Variants in PRR12 observed in about 807,000 individuals in gnomAD.
PRR12 encodes proline-rich protein 12.
In PRR12, 12 loss-of-function variants were observed where a neutral mutation model predicts 138.0. That is an observed-to-expected ratio of 0.09 (90% CI 0.06 to 0.14). The LOEUF is 0.14. Among genes scored for constraint, PRR12 ranks in the 10% least tolerant of loss-of-function variants. The pLI, the probability that PRR12 is intolerant of heterozygous loss-of-function variation, is 1.00. For synonymous variants in PRR12, 1,567 were observed against 1,291.7 expected (o/e 1.21, Z -4.57); for missense variants, 2,692 against 2,861.3 (o/e 0.94, Z 1.35).
Position 49,625,333 on chromosome 19 carries a change from G to T in PRR12, c.5965-128G>T. The T allele has an allele frequency of 6.9e-7, 1 of 1,441,402 alleles. No homozygotes were observed. Among genetic ancestry groups the T allele is most frequent in the Admixed American group, 2.0e-5 (1 of 49,388 alleles). The allele number at this position is 1,441,402 out of a possible 1,614,324, so 89.3% of individuals were successfully genotyped here. On this transcript the variant is annotated intron_variant, in intron 13 of 13. Coordinates refer to ENST00000418929, the MANE Select transcript of PRR12 (RefSeq NM_020719.3). The surrounding 1 kb of genome is among the most constrained non-coding windows in gnomAD (Gnocchi z 5.5). ...TCAGGTCCTTCTGTCTTGGACTTAA[G>T]AATGCAGCCCCCAGCCCTGGTCTCC... is the stretch of plus-strand genomic sequence containing the variant.
chr19:49,607,203 T>C (rs2080843041), intron 6 of PRR12, among the ~76,000 whole-genome samples: 1 of 152,060 alleles, frequency 6.6e-6, no homozygotes, highest in South Asian at 2.1e-4. Context: ...GAAAGTATTA[T>C]TTCGGCTACA....
chr19:49,601,335 G>A (rs918068116), intron 5 of PRR12, among the ~76,000 whole-genome samples, 156 bp from the exon 6 acceptor site: 1 of 152,110 alleles, frequency 6.6e-6, no homozygotes, highest in Non-Finnish European at 1.5e-5. Flanking sequence ...GCCAGAGTAG[G>A]TCTCTGGAGA....
intron 6 of PRR12, among the ~76,000 whole-genome samples, chr19:49,608,983 G>T (rs2080852277): frequency 6.6e-6 from 1 of 152,116 alleles, no homozygotes. Context: ...GTTGTCATAA[G>T]GGCTGGGCAG....
Position 49,601,449 on chromosome 19 carries a change from ATGATGAATAACATCCAGGCC to A in PRR12, c.4346-36_4346-17del, listed in dbSNP as rs770729776. The A allele has an allele frequency of 1.6e-5, 18 of 1,133,636 alleles. No individual in the cohort carries two copies. In the African/African-American group the frequency reaches 2.3e-4, roughly 15 times the overall value. 70.2% of individuals were successfully genotyped at this position (1,133,636 alleles called of 1,614,324 possible). A position where few individuals can be genotyped will look rare whatever the true frequency, so the allele number is the denominator to read the frequency against. ...AAGGACAAGAGGAAAGGTGCCAGGA[ATGATGAATAACATCCAGGCC>A]TGATGTCCCTGTCTCCCCCAGAGCC... On this transcript the variant is annotated intron_variant, in intron 5 of 13. Transcript: ENST00000418929.
chr19:49,591,830 G>T, intron 1 of PRR12, 90 bp downstream of exon 1: 1 of 729,584 alleles, frequency 1.4e-6, no homozygotes, highest in Non-Finnish European at 2.0e-6. Flanking sequence ...GCCCGGCGAC[G>T]CGTGCATCGC....
chr19:49,606,872 C>T (rs531316961), intron 6 of PRR12, among the ~76,000 whole-genome samples: 51 of 152,136 alleles, frequency 3.4e-4, no homozygotes, highest in African/African-American at 1.1e-3. Context: ...GTAGAAACCA[C>T]TCTTAAAGCC....
intron 6 of PRR12, among the ~76,000 whole-genome samples, chr19:49,609,556 A>G (rs9749574): frequency 0.018 from 2,714 of 150,632 alleles, 87 homozygotes; most frequent in African/African-American, 0.062. Context: ...AGCCGAGATC[A>G]TGCTGCTGCA....
chr19:49,614,683 C>T lies in PRR12; in HGVS notation c.4890+34C>T. The T allele has an allele frequency of 1.3e-6, 2 of 1,531,990 alleles. No individual in the cohort carries two copies. Among genetic ancestry groups the T allele is most frequent in the Non-Finnish European group, 8.8e-7 (1 of 1,131,428 alleles). The allele number at this position is 1,531,990 out of a possible 1,614,324, so 94.9% of individuals were successfully genotyped here. A position where few individuals can be genotyped will look rare whatever the true frequency, so the allele number is the denominator to read the frequency against. On this transcript the variant is annotated intron_variant, in intron 7 of 13. Transcript: ENST00000418929. This position sits in a 1 kb window ranked among gnomAD's most constrained non-coding sequence, Gnocchi z 5.0. ...GCAAAGGGGACCAAGGACTTGGGGG[C>T]CCCGGGGCGTGGTATCTAGGAGCTG...
intron 11 of PRR12, among the ~76,000 whole-genome samples, chr19:49,623,151 T>C (rs902871116): frequency 6.6e-6 from 1 of 151,624 alleles, no homozygotes; most frequent in African/African-American, 2.4e-5. Flanking sequence ...GGTTGGAAAA[T>C]TCTGGGTAGC....
At position 49,614,240 on chromosome 19, in the gene PRR12, TGAGTC is replaced by T. The variant is rs2080880446; in HGVS notation, c.4774-292_4774-288del. Among the ~76,000 whole-genome samples, 2 of 152,222 alleles carry T rather than the reference TGAGTC, an allele frequency of 1.3e-5. No individual in the cohort carries two copies. Among genetic ancestry groups the T allele is most frequent in the Admixed American group, 1.3e-4 (2 of 15,272 alleles). On this transcript the variant is annotated intron_variant, in intron 6 of 13. Transcript: ENST00000418929. This position sits in a 1 kb window ranked among gnomAD's most constrained non-coding sequence, Gnocchi z 5.0. ...CGGTGTTCAAAGATTGTCATTACTC[TGAGTC>T]ACACAGGAAGTTTTGGGCTTTCACC...
intron 6 of PRR12, among the ~76,000 whole-genome samples, chr19:49,612,192 T>G (rs1465551124): frequency 2.1e-5 from 3 of 141,424 alleles, no homozygotes; most frequent in Non-Finnish European, 4.5e-5. Flanking sequence ...ATTGCGCCAC[T>G]GCACTCCAGC....
intron 6 of PRR12, among the ~76,000 whole-genome samples, chr19:49,610,525 C>A (rs974995306): frequency 6.6e-6 from 1 of 150,498 alleles, no homozygotes; most frequent in African/African-American, 2.5e-5. Flanking sequence ...GTTGGGCATG[C>A]CATGGTAAAA....
Position 49,595,450 on chromosome 19 carries a change from G to T in PRR12, c.1115G>T (p.Gly372Val). The T allele has an allele frequency of 6.5e-7, 1 of 1,548,570 alleles. No homozygotes were observed. The highest frequency in any genetic ancestry group is 1.4e-5 in the African/African-American group (1 of 73,144). ...ATGPEAAGGGGAGGGGGGYRP... is the reference protein window; with the variant it reads ...ATGPEAAGGGVAGGGGGGYRP... ...GGCCCTGAGGCAGCAGGGGGCGGTGGGGCTGGGGGTGGTGGTGGAGGTTAC... is the reference window on the plus strand; with the variant it reads ...GGCCCTGAGGCAGCAGGGGGCGGTGTGGCTGGGGGTGGTGGTGGAGGTTAC... The change falls in exon 4 of 14, where the codon GGG becomes GTG. Residue 372 changes from glycine (G) to valine (V), a missense_variant. This residue lies in a region of PRR12 where 523 missense variants were observed against 496.4 expected (regional missense o/e 1.05). Coordinates refer to ENST00000418929, the MANE Select transcript of PRR12 (RefSeq NM_020719.3).
Position 49,616,958 on chromosome 19 carries a change from G to A in PRR12, c.5497+739G>A, listed in dbSNP as rs1009097112. 1.3e-5 allele frequency among the ~76,000 whole-genome samples: 2 copies of A among 151,938 alleles called. No individual in the cohort carries two copies. The highest frequency in any genetic ancestry group is 2.4e-5 in the African/African-American group (1 of 41,356). ...AGCCTGACCAACATGGTGAAATCCC[G>A]GCTTTACTAAAAAATACAAAAATTA... On this transcript the variant is annotated intron_variant, in intron 9 of 13. Coordinates refer to ENST00000418929, the MANE Select transcript of PRR12 (RefSeq NM_020719.3). This position sits in a 1 kb window ranked among gnomAD's most constrained non-coding sequence, Gnocchi z 4.2.
intron 1 of PRR12, 99 bp from the exon 2 acceptor site, chr19:49,593,228 C>G: frequency 1.7e-6 from 1 of 577,076 alleles, no homozygotes; most frequent in Non-Finnish European, 3.1e-6. Context: ...CCACCCCGGT[C>G]AGCTGGAAGG....
rs2080761839 is a variant in PRR12, at chr19:49,595,583, A to G, written c.1248A>G (p.Lys416=). 1 of 1,605,006 alleles carries G rather than the reference A, an allele frequency of 6.2e-7. No homozygotes were observed. The highest frequency in any genetic ancestry group is 8.5e-7 in the Non-Finnish European group (1 of 1,176,930). Residue 416 remains lysine, a synonymous_variant, in exon 4 of 14, where the codon AAA becomes AAG. Transcript: ENST00000418929. ...PPPPRSTATP[K]CQSLGGPAAA... is the part of the protein sequence containing the mutation. ...CACCCCGTTCGACCGCCACCCCCAA[A>G]TGTCAGAGCCTGGGTGGGCCAGCAG...
rs1021901178 is a variant in PRR12, at chr19:49,599,206, C to G, written c.3679-66C>G. ...ACCTGTAAATTTGGATTTTTGGGGG[C>G]TGAGGGAGGATGGGACTGGGGGCCC... On this transcript the variant is annotated intron_variant, in intron 4 of 13. Coordinates refer to ENST00000418929, the MANE Select transcript of PRR12 (RefSeq NM_020719.3). This position sits in a 1 kb window ranked among gnomAD's most constrained non-coding sequence, Gnocchi z 5.0. 113 of 1,447,162 alleles carry G rather than the reference C, an allele frequency of 7.8e-5. No homozygotes were observed. In the African/African-American group the frequency reaches 1.0e-3, roughly 13 times the overall value. 89.6% of individuals were successfully genotyped at this position (1,447,162 alleles called of 1,614,324 possible).
chr19:49,624,725 A>C, intron 11 of PRR12, 119 bp from the exon 12 acceptor site: 2 of 1,415,634 alleles, frequency 1.4e-6, no homozygotes, highest in South Asian at 1.4e-5. Context: ...AGGAGACTCT[A>C]GTTGTCTCTC....
rs764053078 is a variant in PRR12, at chr19:49,601,743, C to T, written c.4598C>T (p.Pro1533Leu). 38 of 1,556,936 alleles carry T rather than the reference C, an allele frequency of 2.4e-5. No homozygotes were observed. In the African/African-American group the frequency reaches 2.7e-4, roughly 11 times the overall value. The change falls in exon 6 of 14, where the codon CCG becomes CTG. Residue 1533 changes from proline to leucine, a missense_variant. Pro to Leu is a moderately conservative substitution (Grantham distance 98). Around this residue, in one of 11 missense-constraint regions of PRR12, gnomAD observed 231 missense variants for 200.8 expected, o/e 1.15. Coordinates refer to ENST00000418929, the MANE Select transcript of PRR12 (RefSeq NM_020719.3). Reference protein sequence around the residue: ...LAAPPEEPAAPSPEDPELPDT... With the variant: ...LAAPPEEPAALSPEDPELPDT... ...GCTCCTCCTGAGGAGCCCGCCGCCC[C>T]GTCTCCCGAAGACCCCGAGCTGCCG... is the stretch of plus-strand genomic sequence containing the variant.
Sources: allele counts gnomAD v4.1 joint callset (sites outside exome capture counted in the v4.1 genomes callset), GRCh38; gene constraint gnomAD v4.1.1; regional missense constraint gnomAD v4.1.1; non-coding constraint Gnocchi (gnomAD v3.1); transcripts MANE v1.5; gene names NCBI Gene and HGNC (gene_info 2026-07-23, HGNC 2026-07-21).